SMARCC1: variants seen among roughly 807,000 people sequenced by gnomAD.
The protein encoded by SMARCC1 is SWI/SNF related BAF chromatin remodeling complex subunit C1.
SMARCC1 carries 43 observed loss-of-function variants against 147.4 expected under a neutral mutation model. The observed-to-expected ratio is 0.29, with a 90% confidence interval of 0.23 to 0.38. The LOEUF is 0.38. Among genes scored for constraint, SMARCC1 ranks in the 10% least tolerant of loss-of-function variants. SMARCC1 has a pLI of 1.00. For synonymous variants in SMARCC1, 495 were observed against 484.4 expected (o/e 1.02, Z -0.29); for missense variants, 1,119 against 1,381.1 (o/e 0.81, Z 3.01).
intron 6 of SMARCC1, among the ~76,000 whole-genome samples, chr3:47,728,663 T>C (rs982717012): frequency 6.6e-6 from 1 of 152,130 alleles, no homozygotes; most frequent in Non-Finnish European, 1.5e-5. Flanking sequence ...ACCCAGCACT[T>C]TGGGAGGCCA....
In SMARCC1 at chr3:47,589,898, G is replaced by A. The variant is rs115714689; in HGVS notation, c.3220+763C>T. Among the ~76,000 whole-genome samples, 356 of 152,282 alleles carry A rather than the reference G, an allele frequency of 2.3e-3. 2 individuals carry two copies. The highest frequency in any genetic ancestry group is 8.3e-3 in the African/African-American group (344 of 41,568). ...ATAGTAGCTAAACTTTTGGCCACAC[G>A]TGAACTTCTACATGAACCTAAGATT... is the stretch of plus-strand genomic sequence containing the variant. On this transcript the variant is annotated intron_variant, in intron 27 of 27. Coordinates refer to ENST00000254480, the MANE Select transcript of SMARCC1 (RefSeq NM_003074.4).
intron 26 of SMARCC1, 60 bp downstream of exon 26, chr3:47,610,006 G>A: frequency 6.4e-7 from 1 of 1,563,878 alleles, no homozygotes; most frequent in Non-Finnish European, 8.7e-7. Context: ...TGGCCCCAAT[G>A]ATGCTCTGTG....
At chr3:47,683,687 G>A (rs1559644239) in intron 14 of SMARCC1, among the ~76,000 whole-genome samples, 1 of 151,544 alleles carries the variant, frequency 6.6e-6, no homozygotes, top group Non-Finnish European at 1.5e-5. Context: ...TTGCGCCGCT[G>A]CACTCCAGCC....
chr3:47,661,269 T>A, intron 21 of SMARCC1, 25 bp downstream of exon 21: 1 of 1,586,170 alleles, frequency 6.3e-7, no homozygotes, highest in African/African-American at 1.4e-5. Context: ...ATTAACCCTG[T>A]CCCTTAAAAG....
At chr3:47,620,998 C>T (rs1454852735) in intron 25 of SMARCC1, among the ~76,000 whole-genome samples, 1 of 152,102 alleles carries the variant, frequency 6.6e-6, no homozygotes, top group East Asian at 1.9e-4. Flanking sequence ...TGGGTATATA[C>T]CCAAAAGAAA....
chr3:47,663,646 C>A, intron 19 of SMARCC1: 1 of 1,510,282 alleles, frequency 6.6e-7, no homozygotes. Flanking sequence ...TTCCAGAGGT[C>A]CCCTTTGAAC....
At chr3:47,645,264 C>G (rs545244033) in intron 21 of SMARCC1, among the ~76,000 whole-genome samples, 2 of 151,118 alleles carry the variant, frequency 1.3e-5, no homozygotes, top group Admixed American at 6.6e-5. Flanking sequence ...GCACTTTAGC[C>G]TGGGTGACAG....
chr3:47,586,402 T>C lies in SMARCC1; in HGVS notation c.*1807A>G, dbSNP rs1024294147. ...GGGGTCTTTCTGGAGCCAAATGCAT[T>C]GGAACTAAGCTCCAGTAGGAATAAA... On this transcript the variant is annotated 3_prime_UTR_variant, in exon 28 of 28. Transcript: ENST00000254480. The C allele has an allele frequency of 6.6e-6, 1 of 152,278 alleles. No individual in the cohort carries two copies. Among genetic ancestry groups the C allele is most frequent in the Non-Finnish European group, 1.5e-5 (1 of 68,026 alleles). 9.4% of individuals were successfully genotyped at this position (152,278 alleles called of 1,614,324 possible). A position where few individuals can be genotyped will look rare whatever the true frequency, so the allele number is the denominator to read the frequency against.
intron 11 of SMARCC1, among the ~76,000 whole-genome samples, chr3:47,699,851 G>A (rs1211522825): frequency 6.6e-6 from 1 of 151,504 alleles, no homozygotes; most frequent in Non-Finnish European, 1.5e-5. Context: ...GATCCAGATA[G>A]CTTCCTATAT....
chr3:47,721,291 C>T (rs1037916792), intron 6 of SMARCC1, among the ~76,000 whole-genome samples: 30 of 152,164 alleles, frequency 2.0e-4, no homozygotes, highest in Admixed American at 3.3e-4. Flanking sequence ...TTCACTGCCT[C>T]ATACCTGTTA....
intron 25 of SMARCC1, among the ~76,000 whole-genome samples, chr3:47,621,786 T>TACC (rs2032735855): frequency 6.8e-6 from 1 of 148,014 alleles, no homozygotes; most frequent in Non-Finnish European, 1.5e-5. Flanking sequence ...CCTGCACAAG[T>TACC]ACCTCTGAAT....
In SMARCC1 at chr3:47,585,431, T is replaced by G. The variant is rs2032056077; in HGVS notation, c.*2778A>C. The G allele has an allele frequency of 1.3e-5, 2 of 152,202 alleles. No individual in the cohort carries two copies. Among genetic ancestry groups the G allele is most frequent in the African/African-American group, 4.8e-5 (2 of 41,456 alleles). The allele number at this position is 152,202 out of a possible 1,614,324, so 9.4% of individuals were successfully genotyped here. On this transcript the variant is annotated 3_prime_UTR_variant, in exon 28 of 28. Transcript: ENST00000254480. ...TCTCATGGCAGACACAGAATCCTCT[T>G]CTTTTGCTTCACTCGATTTATAAGC...
chr3:47,743,926 G>A (rs1235360819), intron 3 of SMARCC1, among the ~76,000 whole-genome samples: 2 of 152,042 alleles, frequency 1.3e-5, no homozygotes, highest in Non-Finnish European at 2.9e-5. Context: ...CAAGTGTCCA[G>A]GTTAGGACTT....
At chr3:47,612,190 TAGTA>T (rs936152679) in intron 25 of SMARCC1, among the ~76,000 whole-genome samples, 1 of 152,186 alleles carries the variant, frequency 6.6e-6, no homozygotes. Context: ...CTAATCAGAT[TAGTA>T]AGTAAGAGGC....
chr3:47,605,698 G>C (rs2032461037), intron 26 of SMARCC1, among the ~76,000 whole-genome samples: 1 of 152,150 alleles, frequency 6.6e-6, no homozygotes, highest in East Asian at 1.9e-4. Flanking sequence ...GCTTGAGCCT[G>C]GCAGGTTGAG....
chr3:47,689,871 T>G (rs1213346258), intron 12 of SMARCC1, among the ~76,000 whole-genome samples: 1 of 152,154 alleles, frequency 6.6e-6, no homozygotes, highest in Non-Finnish European at 1.5e-5. Flanking sequence ...GGGCTTAGCA[T>G]GAAAGAAAGC....
chr3:47,664,701 G>A (rs2033400036), intron 19 of SMARCC1, among the ~76,000 whole-genome samples: 1 of 152,164 alleles, frequency 6.6e-6, no homozygotes, highest in African/African-American at 2.4e-5. Flanking sequence ...TCTCAATGAA[G>A]GGTAATTTTT....
chr3:47,714,472 A>G lies in SMARCC1; in HGVS notation c.735T>C (p.His245=). The G allele has an allele frequency of 1.3e-6, 2 of 1,575,532 alleles. No individual in the cohort carries two copies. Among genetic ancestry groups the G allele is most frequent in the Non-Finnish European group, 1.7e-6 (2 of 1,147,044 alleles). ...CAATTTCAGCATCAACATCATTACT[A>G]TGGACCCAAGTATCATAGCTATAAA... ...FYPDSYDTWV[H]SNDVDAEIED... Residue 245 remains histidine (H), a synonymous_variant, in exon 8 of 28, where the codon CAT becomes CAC. Transcript: ENST00000254480.
intron 14 of SMARCC1, 59 bp downstream of exon 14, chr3:47,685,990 T>G: frequency 6.8e-7 from 1 of 1,472,380 alleles, no homozygotes; most frequent in Middle Eastern, 1.8e-4. Context: ...CAACCTGATT[T>G]CAAGGAAAGT....
Sources: allele counts gnomAD v4.1 joint callset (sites outside exome capture counted in the v4.1 genomes callset), GRCh38; gene constraint gnomAD v4.1.1; transcripts MANE v1.5; gene names NCBI Gene and HGNC (gene_info 2026-07-23, HGNC 2026-07-21).